The following YWHAE variants were observed in gnomAD, a reference collection of about 807,000 sequenced individuals.
The protein encoded by YWHAE is tyrosine 3-monooxygenase/tryptophan 5-monooxygenase activation protein epsilon.
In YWHAE, 4 loss-of-function variants were observed where a neutral mutation model predicts 30.1. That is an observed-to-expected ratio of 0.13 (90% confidence interval 0.07 to 0.30). The LOEUF is 0.30. Among genes scored for constraint, YWHAE ranks in the 10% least tolerant of loss-of-function variants. The probability of loss-of-function intolerance (pLI) is 1.00; values close to 1 mark genes in which losing one functional copy is unlikely to be tolerated. For missense variants in YWHAE, 121 were observed against 315.9 expected, an observed-to-expected ratio of 0.38 and a Z score of 4.68; for synonymous variants, 118 against 111.8, an observed-to-expected ratio of 1.06 and a Z score of -0.35.
chr17:1,380,097 A>G (rs1425852186), intron 1 of YWHAE, among the ~76,000 whole-genome samples: 1 of 148,332 alleles, frequency 6.7e-6, no homozygotes, highest in Admixed American at 7.0e-5. Flanking sequence ...AGAGTTTCAG[A>G]CTAGAAGACT....
intron 1 of YWHAE, among the ~76,000 whole-genome samples, chr17:1,398,542 A>G (rs2073511522): frequency 6.6e-6 from 1 of 152,170 alleles, no homozygotes; most frequent in Non-Finnish European, 1.5e-5. Flanking sequence ...CAAGGGCCCT[A>G]ACATTTTGAA....
chr17:1,393,341 G>T (rs1280734018), intron 1 of YWHAE, among the ~76,000 whole-genome samples: 2 of 150,518 alleles, frequency 1.3e-5, no homozygotes, highest in Admixed American at 6.6e-5. Flanking sequence ...AAAGGAAAAA[G>T]ATAAAAGTGA....
At chr17:1,361,451 G>A (rs2072863970) in intron 3 of YWHAE, among the ~76,000 whole-genome samples, 153 bp from the exon 4 acceptor site, 1 of 151,840 alleles carries the variant, frequency 6.6e-6, no homozygotes. Flanking sequence ...ACACTCTCAG[G>A]AATAACTGGC....
Position 1,359,569 on chromosome 17 carries a change from G to A in YWHAE, c.578+1523C>T, listed in dbSNP as rs907807578. Reference sequence around the variant, plus strand: ...GCTTTTACATGGATAAAAACATTACGCTAGATGAAATAAAGACAGCCACAA... The same window carrying A: ...GCTTTTACATGGATAAAAACATTACACTAGATGAAATAAAGACAGCCACAA... On this transcript the variant is annotated intron_variant, in intron 4 of 5. Coordinates refer to ENST00000264335, the MANE Select transcript of YWHAE (RefSeq NM_006761.5). 5.3e-5 allele frequency among the ~76,000 whole-genome samples: 8 copies of A among 151,894 alleles called. No homozygotes were observed. In the South Asian group the frequency reaches 8.3e-4, roughly 16 times the overall value.
At chr17:1,357,561 C>T (rs1017466263) in intron 4 of YWHAE, among the ~76,000 whole-genome samples, 1 of 151,540 alleles carries the variant, frequency 6.6e-6, no homozygotes, top group Non-Finnish European at 1.5e-5. Context: ...GCCACAGCAG[C>T]AGAGTGAGAC....
Position 1,353,678 on chromosome 17 carries a change from C to T in YWHAE, c.715+533G>A, listed in dbSNP as rs761537209. Reference sequence around the variant, plus strand: ...CCCTGGGAAGCTGAGGCAGGAGAATCGCTTGAACCCGGGAGGCAGAGTTTG... The same window carrying T: ...CCCTGGGAAGCTGAGGCAGGAGAATTGCTTGAACCCGGGAGGCAGAGTTTG... On this transcript the variant is annotated intron_variant, in intron 5 of 5. Transcript: ENST00000264335. Among the ~76,000 whole-genome samples the T allele has an allele frequency of 2.2e-4, 33 of 151,314 alleles. 1 individual carries two copies. Among genetic ancestry groups the T allele is most frequent in the Admixed American group, 6.6e-4 (10 of 15,164 alleles).
chr17:1,383,764 A>G (rs973728873), intron 1 of YWHAE, among the ~76,000 whole-genome samples: 3 of 152,146 alleles, frequency 2.0e-5, no homozygotes, highest in African/African-American at 4.8e-5. Context: ...CTAGTATTAT[A>G]AACAGTTAAT....
chr17:1,380,027 C>G (rs2073180803), intron 1 of YWHAE, among the ~76,000 whole-genome samples: 1 of 151,946 alleles, frequency 6.6e-6, no homozygotes, highest in South Asian at 2.1e-4. Context: ...ATGACACACA[C>G]TTTGGGAAAC....
Position 1,400,159 on chromosome 17 carries a change from T to G in YWHAE, c.-49A>C, listed in dbSNP as rs777019698. The G allele has an allele frequency of 2.5e-6, 4 of 1,606,268 alleles. No homozygotes were observed. In the South Asian group the frequency reaches 3.3e-5, roughly 13 times the overall value. ...CTGCGCGACGGATGGAAGCGGATAG[T>G]GTCTCCGACTCTCTCAGCCTCTCGC... On this transcript the variant is annotated 5_prime_UTR_variant, in exon 1 of 6. Coordinates refer to ENST00000264335, the MANE Select transcript of YWHAE (RefSeq NM_006761.5).
intron 1 of YWHAE, among the ~76,000 whole-genome samples, chr17:1,397,037 T>A (rs2073483693): frequency 1.3e-5 from 2 of 151,542 alleles, no homozygotes; most frequent in African/African-American, 4.9e-5. Context: ...TTCTTCCACC[T>A]CAACCTCCTC....
intron 3 of YWHAE, 32 bp from the exon 4 acceptor site, chr17:1,361,330 A>AG (rs1220271101): frequency 3.2e-6 from 5 of 1,547,956 alleles, no homozygotes. Flanking sequence ...AAAAAAAAAA[A>AG]AAATTTAAAC....
rs1004105799 is a variant in YWHAE at position 1,347,364 on chromosome 17, G to A, written c.716-1865C>T. Among the ~76,000 whole-genome samples, 89 of 151,512 alleles carry A rather than the reference G, an allele frequency of 5.9e-4. 2 individuals are homozygous for A. Among genetic ancestry groups the A allele is most frequent in the Non-Finnish European group, 2.1e-4 (14 of 67,916 alleles). ...AAAAAAACTACATACGCTGGGCATG[G>A]GGCCACATGTCTATAGTCCCAGCTA... On this transcript the variant is annotated intron_variant, in intron 5 of 5. Transcript: ENST00000264335.
intron 1 of YWHAE, among the ~76,000 whole-genome samples, chr17:1,394,201 C>A: frequency 6.6e-6 from 1 of 152,246 alleles, no homozygotes; most frequent in East Asian, 1.9e-4. Flanking sequence ...CTCAAACTCA[C>A]TTTCTTGAAC....
chr17:1,380,534 T>TAAC (rs1272915515), intron 1 of YWHAE, among the ~76,000 whole-genome samples: 1 of 150,304 alleles, frequency 6.7e-6, no homozygotes, highest in Admixed American at 6.6e-5. Flanking sequence ...AATGAGATTG[T>TAAC]AGAGTAAATT....
intron 5 of YWHAE, among the ~76,000 whole-genome samples, chr17:1,351,693 G>A (rs997521936): frequency 1.3e-5 from 2 of 152,082 alleles, no homozygotes; most frequent in African/African-American, 2.4e-5. Context: ...ATACAGTGGC[G>A]CAATCGAAGC....
intron 5 of YWHAE, among the ~76,000 whole-genome samples, chr17:1,350,981 C>T (rs910286310): frequency 6.6e-6 from 1 of 151,778 alleles, no homozygotes; most frequent in Non-Finnish European, 1.5e-5. Context: ...ATCCTTTGAA[C>T]CCAGGAGGCA....
At chr17:1,359,400 T>C (rs756683478) in intron 4 of YWHAE, among the ~76,000 whole-genome samples, 9 of 152,050 alleles carry the variant, frequency 5.9e-5, no homozygotes, top group Admixed American at 3.9e-4. Context: ...AGTGCACCCA[T>C]TTTCATAGCA....
intron 1 of YWHAE, among the ~76,000 whole-genome samples, chr17:1,385,191 T>C (rs1178940660): frequency 6.6e-6 from 1 of 151,228 alleles, no homozygotes; most frequent in Non-Finnish European, 1.5e-5. Context: ...ACAGAAATGT[T>C]GGCAGCATTC....
intron 4 of YWHAE, 46 bp downstream of exon 4, chr17:1,361,046 C>G: frequency 7.7e-6 from 12 of 1,558,076 alleles, no homozygotes; most frequent in Non-Finnish European, 1.1e-5. Flanking sequence ...AACAGCGCCC[C>G]CCTTAACTTT....
Sources: allele counts gnomAD v4.1 joint callset (sites outside exome capture counted in the v4.1 genomes callset), GRCh38; gene constraint gnomAD v4.1.1; transcripts MANE v1.5; gene names NCBI Gene and HGNC (gene_info 2026-07-23, HGNC 2026-07-21).